The following SIRT5 variants were observed in gnomAD, a reference collection of about 807,000 sequenced individuals.
SIRT5 encodes sirtuin 5.
In SIRT5, 26 loss-of-function variants were observed where a neutral mutation model predicts 40.0. The ratio of observed to expected loss-of-function variants is 0.65; its 90% CI spans 0.48 to 0.90. SIRT5 has a LOEUF of 0.90. SIRT5 is among the 40% of genes least tolerant of loss of function. The pLI, the probability that SIRT5 is intolerant of heterozygous loss-of-function variation, is 0.00. For synonymous variants in SIRT5, 146 were observed against 149.1 expected, an observed-to-expected ratio of 0.98 and a Z score of 0.15; for missense variants, 401 against 402.4, an observed-to-expected ratio of 1.00 and a Z score of 0.03.
intron 9 of SIRT5, among the ~76,000 whole-genome samples, chr6:13,611,276 TA>T (rs1763884680): frequency 6.8e-6 from 1 of 147,524 alleles, no homozygotes; most frequent in African/African-American, 2.5e-5. Context: ...TACACACACA[TA>T]TATACACAAA....
chr6:13,597,433 TA>T (rs60503838), intron 7 of SIRT5, among the ~76,000 whole-genome samples: 6,850 of 102,360 alleles, frequency 0.067, 355 homozygotes, highest in African/African-American at 0.16. Flanking sequence ...GTTCATAGAT[TA>T]AAAAAAAAAA....
intron 7 of SIRT5, 105 bp downstream of exon 7, chr6:13,597,121 C>G: frequency 1.2e-6 from 1 of 814,848 alleles, no homozygotes; most frequent in South Asian, 1.6e-5. Context: ...CCTCTTAAAT[C>G]AAATGCACAA....
chr6:13,587,796 G>A (rs1459844501), intron 3 of SIRT5, among the ~76,000 whole-genome samples: 1 of 152,190 alleles, frequency 6.6e-6, no homozygotes, highest in East Asian at 1.9e-4. Flanking sequence ...TAAGACCCTT[G>A]CCCTCACCTT....
intron 9 of SIRT5, among the ~76,000 whole-genome samples, chr6:13,608,722 T>A (rs1223420762): frequency 2.0e-5 from 3 of 152,170 alleles, no homozygotes; most frequent in Non-Finnish European, 4.4e-5. Context: ...TAAAACATCT[T>A]CTAGATAGAA....
chr6:13,615,019 C>G lies in SIRT5; in HGVS notation c.*3154C>G, dbSNP rs558426827. 66 of 280,634 alleles carry G rather than the reference C, an allele frequency of 2.4e-4. No individual in the cohort carries two copies. In the Middle Eastern group the frequency reaches 5.0e-3, roughly 21 times the overall value. The allele number at this position is 280,634 out of a possible 1,614,324, so 17.4% of individuals were successfully genotyped here. A position where few individuals can be genotyped will look rare whatever the true frequency, so the allele number is the denominator to read the frequency against. On this transcript the variant is annotated 3_prime_UTR_variant, in exon 10 of 10. Coordinates refer to ENST00000606117, the MANE Select transcript of SIRT5 (RefSeq NM_012241.5). Reference sequence around the variant, plus strand: ...CCTCGGGCCCGCGATTACCGGTTTTCTGAGCACCGGACAGCGTGAGCCGTG... The same window carrying G: ...CCTCGGGCCCGCGATTACCGGTTTTGTGAGCACCGGACAGCGTGAGCCGTG...
At chr6:13,595,624 A>G (rs1054059140) in intron 6 of SIRT5, 60 bp downstream of exon 6, 2 of 1,208,666 alleles carry the variant, frequency 1.7e-6, no homozygotes, top group Non-Finnish European at 2.4e-6. Context: ...TTGAACATAA[A>G]TGTGAGGAAA....
At chr6:13,587,433 C>A (rs553828424) in intron 3 of SIRT5, among the ~76,000 whole-genome samples, 1 of 152,354 alleles carries the variant, frequency 6.6e-6, no homozygotes, top group South Asian at 2.1e-4. Context: ...ACAGTGGCAG[C>A]TTCCCCCATC....
chr6:13,595,348 T>C (rs1761428787), intron 5 of SIRT5, 129 bp from the exon 6 acceptor site: 1 of 691,562 alleles, frequency 1.4e-6, no homozygotes. Flanking sequence ...CACTCCAGCC[T>C]GGGTAACTGG....
At chr6:13,606,802 C>G (rs574407860) in intron 9 of SIRT5, among the ~76,000 whole-genome samples, 1 of 152,234 alleles carries the variant, frequency 6.6e-6, no homozygotes, top group South Asian at 2.1e-4. Flanking sequence ...CCACCTAAGC[C>G]TCCCGAGTAG....
intron 9 of SIRT5, among the ~76,000 whole-genome samples, chr6:13,608,602 A>G (rs1199512774): frequency 2.6e-5 from 4 of 151,018 alleles, no homozygotes. Context: ...AAAAAAAAAG[A>G]GAGAGAGAAA....
At chr6:13,595,388 A>C in intron 5 of SIRT5, 89 bp from the exon 6 acceptor site, 2 of 1,045,058 alleles carry the variant, frequency 1.9e-6, no homozygotes, top group South Asian at 2.6e-5. Context: ...TGAAGTGTGA[A>C]AAATAAAGTA....
At chr6:13,592,189 A>T (rs1321284038) in intron 5 of SIRT5, among the ~76,000 whole-genome samples, 1 of 152,174 alleles carries the variant, frequency 6.6e-6, no homozygotes, top group African/African-American at 2.4e-5. Context: ...AGAACTTGTT[A>T]AAAATGCAGA....
At chr6:13,611,268 C>T (rs9766516) in intron 9 of SIRT5, among the ~76,000 whole-genome samples, 2 of 142,424 alleles carry the variant, frequency 1.4e-5, no homozygotes, top group African/African-American at 2.6e-5. Context: ...CATATATATA[C>T]ACACACATAT....
chr6:13,610,231 A>T (rs529777185), intron 9 of SIRT5, among the ~76,000 whole-genome samples: 10 of 152,254 alleles, frequency 6.6e-5, no homozygotes, highest in African/African-American at 2.2e-4. Context: ...TCAGCCTCCC[A>T]AAGTGCTGGG....
At chr6:13,599,005 G>T in intron 7 of SIRT5, 27 bp from the exon 8 acceptor site, 1 of 1,612,212 alleles carries the variant, frequency 6.2e-7, no homozygotes, top group South Asian at 1.1e-5. Flanking sequence ...TTGGCTCGGG[G>T]TTGGCTTAAG....
chr6:13,611,876 G>C lies in SIRT5; in HGVS notation c.*11G>C. On this transcript the variant is annotated 3_prime_UTR_variant, in exon 10 of 10. Coordinates refer to ENST00000606117, the MANE Select transcript of SIRT5 (RefSeq NM_012241.5). ...GAAACTGTTTCTTAAGTGTCCTGGG[G>C]AAGAAAGAAATTACAGTATATCTAA... The C allele has an allele frequency of 6.2e-7, 1 of 1,613,218 alleles. No individual in the cohort carries two copies. Among genetic ancestry groups the C allele is most frequent in the Admixed American group, 1.7e-5 (1 of 60,016 alleles).
chr6:13,597,048 TC>T, intron 7 of SIRT5, 32 bp downstream of exon 7: 1 of 1,544,168 alleles, frequency 6.5e-7, no homozygotes, highest in Non-Finnish European at 8.8e-7. Flanking sequence ...GTACTGGTGT[TC>T]CAGGTTACCA....
At chr6:13,592,014 A>G (rs1760980984) in intron 5 of SIRT5, 120 bp downstream of exon 5, 1 of 946,460 alleles carries the variant, frequency 1.1e-6, no homozygotes, top group Non-Finnish European at 1.6e-6. Flanking sequence ...GTCCTATAGG[A>G]TGCTGTGGCA....
At chr6:13,579,703 T>C (rs565501617) in intron 2 of SIRT5, 94 bp downstream of exon 2, 1 of 152,348 alleles carries the variant, frequency 6.6e-6, no homozygotes, top group Non-Finnish European at 1.5e-5. Flanking sequence ...AGTTTTGATC[T>C]TCACAATTTT....
Sources: allele counts gnomAD v4.1 joint callset (sites outside exome capture counted in the v4.1 genomes callset), GRCh38; gene constraint gnomAD v4.1.1; transcripts MANE v1.5; gene names NCBI Gene and HGNC (gene_info 2026-07-23, HGNC 2026-07-21).